Variants in PSD3 observed in about 807,000 individuals in gnomAD.
The protein encoded by PSD3 is PH and SEC7 domain-containing protein 3.
A neutral mutation model predicts 105.5 loss-of-function variants in PSD3; 49 were observed. The observed-to-expected ratio is 0.46, with a 90% CI of 0.37 to 0.59. PSD3 has a LOEUF of 0.59. PSD3 is among the 20% of genes least tolerant of loss of function. The pLI is 0.00. For missense variants in PSD3, 1,561 were observed against 1,263.8 expected, an observed-to-expected ratio of 1.24 and a Z score of -3.57; for synonymous variants, 557 against 457.8, an observed-to-expected ratio of 1.22 and a Z score of -2.77.
At chr8:18,879,107 G>A (rs145648873) in intron 2 of PSD3, among the ~76,000 whole-genome samples, 1 of 146,476 alleles carries the variant, frequency 6.8e-6, no homozygotes, top group East Asian at 2.0e-4. Flanking sequence ...ACTGAACACT[G>A]GCCCCAAGAG....
chr8:19,013,691 T>C lies in PSD3; in HGVS notation c.-108A>G, dbSNP rs2129475512. The C allele has an allele frequency of 1.0e-6, 1 of 1,002,216 alleles. No homozygotes were observed. The highest frequency in any genetic ancestry group is 1.3e-6 in the Non-Finnish European group (1 of 797,576). The allele number at this position is 1,002,216 out of a possible 1,614,324, so 62.1% of individuals were successfully genotyped here. A position where few individuals can be genotyped will look rare whatever the true frequency, so the allele number is the denominator to read the frequency against. On this transcript the variant is annotated 5_prime_UTR_variant, in exon 1 of 16. Transcript: ENST00000327040. ...CAGCGCCGCGTGCTCTTTGTTGAGC[T>C]CCCGGGACTGCCGAGAGGCGGCGGC...
intron 11 of PSD3, among the ~76,000 whole-genome samples, chr8:18,619,729 T>C (rs953102074): frequency 3.3e-5 from 5 of 152,176 alleles, no homozygotes; most frequent in Non-Finnish European, 5.9e-5. Flanking sequence ...ACTAAATGGA[T>C]TTTTATTAAC....
intron 9 of PSD3, among the ~76,000 whole-genome samples, chr8:18,656,998 A>T (rs1563148803): frequency 6.6e-6 from 1 of 152,236 alleles, no homozygotes; most frequent in East Asian, 1.9e-4. Flanking sequence ...TAACAATATT[A>T]TGATGATGTT....
At position 18,671,938 on chromosome 8, in the gene PSD3, GT is replaced by G. The variant is rs199736920; in HGVS notation, c.2173-16254del. On this transcript the variant is annotated intron_variant, in intron 9 of 15. Transcript: ENST00000327040. ...GAGCCACTGCGCCGGGCCTGATTTT[GT>G]TTTTAACTTTTATACCCTGATCCTC... 1.1e-3 allele frequency among the ~76,000 whole-genome samples: 171 copies of G among 152,166 alleles called. 3 individuals are homozygous for G. In the East Asian group the frequency reaches 0.012, roughly 11 times the overall value.
chr8:18,537,663 C>T (rs1395594739), intron 15 of PSD3, among the ~76,000 whole-genome samples: 1 of 133,716 alleles, frequency 7.5e-6, no homozygotes, highest in Non-Finnish European at 1.6e-5. Context: ...GGAGAAGTCA[C>T]TGGTGTTAGC....
At position 18,913,209 on chromosome 8, in the gene PSD3, T is replaced by C. The variant is rs866226216; in HGVS notation, c.130+22825A>G. Among the ~76,000 whole-genome samples, 19 of 152,136 alleles carry C rather than the reference T, an allele frequency of 1.2e-4. No homozygotes were observed. In the South Asian group the frequency reaches 1.7e-3, roughly 13 times the overall value. ...TATTGGACTGGACTCATCCATGGCA[T>C]GTCTCTGCAACTACTGCCACCTTTT... On this transcript the variant is annotated intron_variant, in intron 2 of 15. Transcript: ENST00000327040.
intron 4 of PSD3, among the ~76,000 whole-genome samples, chr8:18,862,389 A>T (rs1816519304): frequency 6.6e-6 from 1 of 152,168 alleles, no homozygotes; most frequent in Non-Finnish European, 1.5e-5. Context: ...TTAAAAAAAA[A>T]AAATCAAATC....
intron 10 of PSD3, among the ~76,000 whole-genome samples, chr8:18,648,114 A>T (rs1257107622): frequency 7.2e-6 from 1 of 138,974 alleles, no homozygotes; most frequent in Non-Finnish European, 1.6e-5. Flanking sequence ...GGGTCCCAAG[A>T]AGTGGGGAAT....
At chr8:18,878,860 C>A (rs560419076) in intron 2 of PSD3, among the ~76,000 whole-genome samples, 1 of 152,232 alleles carries the variant, frequency 6.6e-6, no homozygotes, top group South Asian at 2.1e-4. Context: ...TTTAACCCAT[C>A]ATGAAGTGTT....
chr8:18,759,711 A>T (rs909646108), intron 9 of PSD3, among the ~76,000 whole-genome samples: 2 of 152,086 alleles, frequency 1.3e-5, no homozygotes, highest in Non-Finnish European at 2.9e-5. Context: ...TACAGTCTAG[A>T]TGTCTCTTCA....
chr8:19,004,647 A>C (rs1367474373), intron 1 of PSD3, among the ~76,000 whole-genome samples: 1 of 152,148 alleles, frequency 6.6e-6, no homozygotes, highest in Non-Finnish European at 1.5e-5. Flanking sequence ...CACTTCTCCA[A>C]AGAAAATATA....
At chr8:19,062,659 T>C (rs1021217906) in intron 1 of PSD3, among the ~76,000 whole-genome samples, 6 of 152,226 alleles carry the variant, frequency 3.9e-5, no homozygotes, top group South Asian at 2.1e-4. Context: ...CACATACTAA[T>C]ATGCTTTAAA....
chr8:18,703,162 C>T (rs1356285051), intron 9 of PSD3, among the ~76,000 whole-genome samples: 2 of 152,096 alleles, frequency 1.3e-5, no homozygotes, highest in Non-Finnish European at 2.9e-5. Context: ...AAGGCAACAC[C>T]ACCAGCAGAT....
At chr8:18,552,197 C>A (rs964816300) in intron 15 of PSD3, among the ~76,000 whole-genome samples, 1 of 152,092 alleles carries the variant, frequency 6.6e-6, no homozygotes, top group Non-Finnish European at 1.5e-5. Context: ...TCAGCAATTC[C>A]CCTGTAGTAA....
intron 3 of PSD3, among the ~76,000 whole-genome samples, chr8:18,869,080 C>A (rs1316042351): frequency 1.3e-5 from 2 of 151,970 alleles, no homozygotes; most frequent in Non-Finnish European, 2.9e-5. Flanking sequence ...ACCCATGGGA[C>A]CAAATGCTTG....
intron 10 of PSD3, among the ~76,000 whole-genome samples, chr8:18,651,065 A>G (rs1187062318): frequency 2.0e-5 from 3 of 152,254 alleles, no homozygotes; most frequent in African/African-American, 7.2e-5. Context: ...TTTCAAGAAC[A>G]TATACCTTAA....
At chr8:18,896,579 A>G (rs1284735572) in intron 2 of PSD3, among the ~76,000 whole-genome samples, 1 of 151,778 alleles carries the variant, frequency 6.6e-6, no homozygotes, top group Non-Finnish European at 1.5e-5. Context: ...ACCTCAGCTA[A>G]TTTTTGTATT....
intron 9 of PSD3, among the ~76,000 whole-genome samples, chr8:18,698,261 C>T (rs185840526): frequency 1.8e-3 from 277 of 152,040 alleles, no homozygotes; most frequent in Middle Eastern, 6.8e-3. Flanking sequence ...ACTATGCCCA[C>T]CTAGTTTTAA....
intron 8 of PSD3, among the ~76,000 whole-genome samples, chr8:18,795,517 T>G (rs960976123): frequency 6.6e-6 from 1 of 152,266 alleles, no homozygotes; most frequent in African/African-American, 2.4e-5. Context: ...TACTGCCTCT[T>G]ACCATGGCCT....
Sources: gnomAD v4.1 joint callset for allele counts (sites outside exome capture counted in the v4.1 genomes callset) on GRCh38, gnomAD v4.1.1 for gene constraint, MANE v1.5 for transcripts, NCBI Gene and HGNC (gene_info 2026-07-23, HGNC 2026-07-21) for gene names.